The following MCM9 variants were observed in gnomAD, a reference collection of about 807,000 sequenced individuals.
The protein encoded by MCM9 is DNA helicase MCM9.
In MCM9, 55 loss-of-function variants were observed where a neutral mutation model predicts 72.8. That is an observed-to-expected ratio of 0.76 (90% confidence interval 0.61 to 0.95). MCM9 has a LOEUF of 0.95. MCM9 is among the 40% of genes least tolerant of loss of function. The pLI is 0.00. For synonymous variants in MCM9, 480 were observed against 503.4 expected (o/e 0.95, Z 0.62); for missense variants, 1,279 against 1,377.0 (o/e 0.93, Z 1.13).
intron 8 of MCM9, chr6:118,893,922 T>TCCCGCCGCAACCACGCCTC (rs1779134134): frequency 1.4e-6 from 1 of 721,174 alleles, no homozygotes; most frequent in South Asian, 6.2e-5. Context: ...GATCGCGCCC[T>TCCCGCCGCAACCACGCCTC]CCCGCCGCAG....
intron 8 of MCM9, among the ~76,000 whole-genome samples, chr6:118,877,323 C>T (rs1179063219): frequency 1.3e-5 from 2 of 152,182 alleles, no homozygotes; most frequent in African/African-American, 2.4e-5. Context: ...GTCTCTTACT[C>T]AGTACTACAT....
At position 118,821,375 on chromosome 6, in the gene MCM9, A is replaced by C. The variant is rs963058531; in HGVS notation, c.1961+4772T>G. On this transcript the variant is annotated intron_variant, in intron 13 of 13. Coordinates refer to ENST00000619706, the MANE Select transcript of MCM9 (RefSeq NM_017696.3). ...CTGTAAAGGATTTTATTTCTCCTTC[A>C]CTTATGAAGCTTAGTTTGGCTGGAT... is the stretch of plus-strand genomic sequence containing the variant. Among the ~76,000 whole-genome samples, 15 of 152,164 alleles carry C rather than the reference A, an allele frequency of 9.9e-5. No homozygotes were observed. The South Asian group carries it at 1.7e-3, about 17-fold the overall frequency.
Position 118,910,912 on chromosome 6 carries a change from A to G in MCM9, c.1150+738T>C, listed in dbSNP as rs529325361. ...AGAAATTTGAGCATTCATTAGCCCA[A>G]TGGAAGTTAATCTGACTCCCTTAAC... On this transcript the variant is annotated intron_variant, in intron 8 of 13. Transcript: ENST00000619706. The G allele has an allele frequency of 4.5e-5, 44 of 985,432 alleles. No homozygotes were observed. The African/African-American group carries it at 6.8e-4, about 15-fold the overall frequency. The allele number at this position is 985,432 out of a possible 1,614,324, so 61.0% of individuals were successfully genotyped here. A position where few individuals can be genotyped will look rare whatever the true frequency, so the allele number is the denominator to read the frequency against.
intron 8 of MCM9, among the ~76,000 whole-genome samples, chr6:118,888,269 A>G (rs1043053036): frequency 2.6e-5 from 4 of 152,068 alleles, no homozygotes; most frequent in East Asian, 1.9e-4. Flanking sequence ...GGCGGATCAC[A>G]AGGTCAGTAG....
chr6:118,907,421 C>T, intron 8 of MCM9: 1 of 1,602,848 alleles, frequency 6.2e-7, no homozygotes, highest in Non-Finnish European at 8.5e-7. Flanking sequence ...AATATTTTGG[C>T]ATCTAATCCC....
chr6:118,934,569 C>A (rs1198299924), intron 1 of MCM9: 1 of 151,886 alleles, frequency 6.6e-6, no homozygotes, highest in Non-Finnish European at 1.5e-5. Context: ...CCGCCCCACT[C>A]CCTCCGCCCC....
intron 3 of MCM9, among the ~76,000 whole-genome samples, chr6:118,929,143 C>T (rs1377049512): frequency 6.6e-6 from 1 of 152,086 alleles, no homozygotes; most frequent in African/African-American, 2.4e-5. Context: ...TTGCTTGAAC[C>T]CAGGAGGCAG....
At chr6:118,833,173 C>T (rs1671263695) in intron 9 of MCM9, among the ~76,000 whole-genome samples, 1 of 152,120 alleles carries the variant, frequency 6.6e-6, no homozygotes, top group Admixed American at 6.6e-5. Flanking sequence ...CAATCCACAT[C>T]AGACTGACAC....
chr6:118,853,950 G>C (rs918080730), intron 9 of MCM9, among the ~76,000 whole-genome samples: 5 of 152,058 alleles, frequency 3.3e-5, no homozygotes, highest in Admixed American at 3.3e-4. Flanking sequence ...AGTTTTTAAT[G>C]TATAAATGTA....
In MCM9 at chr6:118,844,238, C is replaced by G. The variant is rs527457822; in HGVS notation, c.1325+12133G>C. ...ACTTTGCATCAGGAAGATTAACTGGCCTCTAATTAGGGGTAATGAACTTAA... is the reference window on the plus strand; with the variant it reads ...ACTTTGCATCAGGAAGATTAACTGGGCTCTAATTAGGGGTAATGAACTTAA... On this transcript the variant is annotated intron_variant, in intron 9 of 13. Transcript: ENST00000619706. Among the ~76,000 whole-genome samples the G allele has an allele frequency of 1.8e-4, 28 of 151,738 alleles. 1 individual carries two copies. The highest frequency in any genetic ancestry group is 6.8e-4 in the African/African-American group (28 of 41,110).
At chr6:118,831,476 A>T (rs1434357211) in intron 9 of MCM9, among the ~76,000 whole-genome samples, 1 of 152,060 alleles carries the variant, frequency 6.6e-6, no homozygotes, top group Non-Finnish European at 1.5e-5. Context: ...GGAAGAGGAG[A>T]TTATGAGAGA....
intron 8 of MCM9, among the ~76,000 whole-genome samples, chr6:118,861,207 G>A (rs142477895): frequency 0.076 from 11,605 of 152,212 alleles, 686 homozygotes; most frequent in East Asian, 0.19. Context: ...TCTACTGCAG[G>A]CACCAGCATC....
chr6:118,841,115 G>A (rs1472622665), intron 9 of MCM9, among the ~76,000 whole-genome samples: 2 of 152,196 alleles, frequency 1.3e-5, no homozygotes, highest in Non-Finnish European at 2.9e-5. Context: ...CTGGTATAAT[G>A]AACAGTAATG....
At chr6:118,823,832 A>G (rs544957189) in intron 13 of MCM9, among the ~76,000 whole-genome samples, 2 of 151,880 alleles carry the variant, frequency 1.3e-5, no homozygotes, top group African/African-American at 4.8e-5. Context: ...ATACATTAAA[A>G]TGTTAATGGT....
chr6:118,878,464 T>C (rs1448591150), intron 8 of MCM9, among the ~76,000 whole-genome samples: 6 of 152,206 alleles, frequency 3.9e-5, no homozygotes, highest in Non-Finnish European at 8.8e-5. Flanking sequence ...TGTAACTTTT[T>C]TTCTTTTATC....
chr6:118,826,927 C>T, intron 11 of MCM9, 63 bp from the exon 12 acceptor site: 5 of 1,246,738 alleles, frequency 4.0e-6, no homozygotes, highest in South Asian at 4.0e-5. Flanking sequence ...AATTCTCTAA[C>T]TTCCTCCTCC....
chr6:118,908,006 A>G (rs1780288154), intron 8 of MCM9: 1 of 157,396 alleles, frequency 6.4e-6, no homozygotes, highest in African/African-American at 2.4e-5. Flanking sequence ...TACTTCAACT[A>G]AAATGTTTCT....
rs184096575 is a variant in MCM9 at position 118,884,658 on chromosome 6, C to A, written c.1150+26992G>T. Among the ~76,000 whole-genome samples the A allele has an allele frequency of 2.0e-5, 3 of 152,036 alleles. No homozygotes were observed. In the East Asian group the frequency reaches 5.8e-4, roughly 29 times the overall value. Reference sequence around the variant, plus strand: ...ACAGCATGGATACAAAAAAGAAAAACCAACTATATGCTATCTACAAGAGGT... The same window carrying A: ...ACAGCATGGATACAAAAAAGAAAAAACAACTATATGCTATCTACAAGAGGT... On this transcript the variant is annotated intron_variant, in intron 8 of 13. Coordinates refer to ENST00000619706, the MANE Select transcript of MCM9 (RefSeq NM_017696.3).
chr6:118,916,140 C>G lies in MCM9; in HGVS notation c.904+1421G>C, dbSNP rs886196554. Among the ~76,000 whole-genome samples, 3 of 151,226 alleles carry G rather than the reference C, an allele frequency of 2.0e-5. No homozygotes were observed. The East Asian group carries it at 5.8e-4, about 29-fold the overall frequency. On this transcript the variant is annotated intron_variant, in intron 6 of 13. Transcript: ENST00000619706. ...GACGGAAGTGTGAGGATCGCTTGAG[C>G]CTAGGAGTTCAAGACCAGCCTGGGA...
Sources: allele counts gnomAD v4.1 joint callset (sites outside exome capture counted in the v4.1 genomes callset), GRCh38; gene constraint gnomAD v4.1.1; transcripts MANE v1.5; gene names NCBI Gene and HGNC (gene_info 2026-07-23, HGNC 2026-07-21).